SHISA9: variants seen among roughly 807,000 people sequenced by gnomAD.
SHISA9 encodes shisa family member 9, also known as protein shisa-9.
SHISA9 carries 13 observed loss-of-function variants against 38.0 expected under a neutral mutation model. The observed-to-expected ratio is 0.34, with a 90% CI of 0.22 to 0.54. SHISA9 has a LOEUF of 0.54. SHISA9 is among the 20% of genes least tolerant of loss of function. SHISA9 has a pLI of 0.91. For missense variants in SHISA9, 538 were observed against 575.8 expected (o/e 0.93, Z 0.67); for synonymous variants, 275 against 242.0 (o/e 1.14, Z -1.27).
chr16:13,282,995 T>C, the SHISA9 span, among the ~76,000 whole-genome samples: 1 of 152,124 alleles, frequency 6.6e-6, no homozygotes, highest in Non-Finnish European at 1.5e-5. Flanking sequence ...CAGCTCAGGA[T>C]TGGTTTATAT....
chr16:13,325,846 C>G, the SHISA9 span, among the ~76,000 whole-genome samples: 3 of 150,668 alleles, frequency 2.0e-5, no homozygotes, highest in African/African-American at 7.3e-5. Context: ...TGGGGGTAAA[C>G]AGTGAGAACA....
the SHISA9 span, among the ~76,000 whole-genome samples, chr16:13,401,623 A>G: frequency 2.6e-5 from 4 of 151,210 alleles, no homozygotes; most frequent in Admixed American, 1.3e-4. Context: ...ACAGCTTTCT[A>G]TTCCCCCCGT....
At chr16:13,386,941 A>G in the SHISA9 span, among the ~76,000 whole-genome samples, 2 of 152,212 alleles carry the variant, frequency 1.3e-5, no homozygotes, top group African/African-American at 4.8e-5. Flanking sequence ...TCTGGGCTAC[A>G]TATGAGAAAT....
the SHISA9 span, among the ~76,000 whole-genome samples, chr16:13,426,790 C>T: frequency 6.6e-6 from 1 of 152,212 alleles, no homozygotes; most frequent in Non-Finnish European, 1.5e-5. Context: ...ATCATCCTCA[C>T]CTCGCAGTGT....
chr16:13,416,756 A>AAGGAAGGG, the SHISA9 span, among the ~76,000 whole-genome samples: 22 of 135,498 alleles, frequency 1.6e-4, no homozygotes, highest in African/African-American at 5.7e-4. Flanking sequence ...GGAAGGAAGG[A>AAGGAAGGG]AGGAAGGAAG....
At chr16:13,352,562 T>A in the SHISA9 span, among the ~76,000 whole-genome samples, 115 of 152,230 alleles carry the variant, frequency 7.6e-4, 1 homozygote, top group African/African-American at 2.6e-3. Context: ...CTTAAGATTG[T>A]TCTGGAAAGT....
At chr16:12,973,615 C>G (rs1193216636) in intron 2 of SHISA9, among the ~76,000 whole-genome samples, 1 of 151,912 alleles carries the variant, frequency 6.6e-6, no homozygotes, top group Non-Finnish European at 1.5e-5. Context: ...GTGATAGTTG[C>G]TTTTTTTTAG....
chr16:13,425,634 C>G, the SHISA9 span, among the ~76,000 whole-genome samples: 3 of 152,096 alleles, frequency 2.0e-5, no homozygotes, highest in African/African-American at 7.2e-5. Context: ...GCAATACACT[C>G]GTGAAACAAA....
chr16:13,362,717 A>G, the SHISA9 span, among the ~76,000 whole-genome samples: 4 of 152,010 alleles, frequency 2.6e-5, no homozygotes, highest in Non-Finnish European at 4.4e-5. Flanking sequence ...CCTCTCTTTC[A>G]CTTCTCACAT....
intron 2 of SHISA9, among the ~76,000 whole-genome samples, chr16:13,115,009 A>C (rs1341415979): frequency 8.6e-6 from 1 of 115,942 alleles, no homozygotes; most frequent in Non-Finnish European, 1.6e-5. Flanking sequence ...ATCTATCATG[A>C]TTATCTATTT....
the SHISA9 span, among the ~76,000 whole-genome samples, chr16:13,294,624 G>A: frequency 6.6e-6 from 1 of 152,190 alleles, no homozygotes; most frequent in Non-Finnish European, 1.5e-5. Flanking sequence ...CCGGTGCCAG[G>A]ATATTTGCAG....
At chr16:13,280,117 CTTTTTTTTT>C in the SHISA9 span, among the ~76,000 whole-genome samples, 4 of 102,822 alleles carry the variant, frequency 3.9e-5, no homozygotes, top group Non-Finnish European at 5.9e-5. Flanking sequence ...CTCTCTTTCT[CTTTTTTTTT>C]TTTTTTTTTT....
At chr16:13,211,021 G>A (rs189058011) in intron 3 of SHISA9, among the ~76,000 whole-genome samples, 2 of 152,278 alleles carry the variant, frequency 1.3e-5, no homozygotes, top group African/African-American at 2.4e-5. Flanking sequence ...GTTTGGCTGG[G>A]CACAGTGGCT....
rs1033560529 is a variant in SHISA9 at position 13,237,679 on chromosome 16, A to C, written c.*2270A>C. ...CAAAAAAAAAAAAAAAAAGAAAAAA[A>C]AAGAGATCTTTCAAAGAACGCATAA... On this transcript the variant is annotated 3_prime_UTR_variant, in exon 5 of 5. Transcript: ENST00000558583. 1 of 151,848 alleles carries C rather than the reference A, an allele frequency of 6.6e-6. No individual in the cohort carries two copies. The highest frequency in any genetic ancestry group is 2.4e-5 in the African/African-American group (1 of 41,360). The allele number at this position is 151,848 out of a possible 1,614,324, so 9.4% of individuals were successfully genotyped here. A position where few individuals can be genotyped will look rare whatever the true frequency, so the allele number is the denominator to read the frequency against.
intron 2 of SHISA9, among the ~76,000 whole-genome samples, chr16:12,964,497 T>C (rs1367799011): frequency 4.6e-5 from 7 of 151,952 alleles, no homozygotes; most frequent in African/African-American, 1.7e-4. Context: ...GATCCAGCAA[T>C]GTTAATGTCA....
At chr16:13,353,603 T>C in the SHISA9 span, among the ~76,000 whole-genome samples, 2 of 152,014 alleles carry the variant, frequency 1.3e-5, no homozygotes, top group Admixed American at 1.3e-4. Flanking sequence ...ACAGTCTAAG[T>C]TGGTCTGGTG....
the SHISA9 span, among the ~76,000 whole-genome samples, chr16:13,320,316 A>AT: frequency 6.7e-6 from 1 of 149,150 alleles, no homozygotes; most frequent in Non-Finnish European, 1.5e-5. Context: ...AAAAAAAAAA[A>AT]AAAAGTAGGC....
intron 2 of SHISA9, among the ~76,000 whole-genome samples, chr16:13,143,966 A>G (rs1335710709): frequency 6.6e-6 from 1 of 152,212 alleles, no homozygotes; most frequent in Non-Finnish European, 1.5e-5. Flanking sequence ...TGTCACCAAG[A>G]GCATTTGATC....
the SHISA9 span, among the ~76,000 whole-genome samples, chr16:13,413,958 G>T: frequency 6.6e-6 from 1 of 152,088 alleles, no homozygotes; most frequent in Non-Finnish European, 1.5e-5. Flanking sequence ...TGCAACCGTA[G>T]CAATGGCTGG....
Sources: gnomAD v4.1 joint callset for allele counts (sites outside exome capture counted in the v4.1 genomes callset) on GRCh38, gnomAD v4.1.1 for gene constraint, MANE v1.5 for transcripts, NCBI Gene and HGNC (gene_info 2026-07-23, HGNC 2026-07-21) for gene names.